The following CAMKMT variants were observed in gnomAD, a reference collection of about 807,000 sequenced individuals.
The protein encoded by CAMKMT is CaM KMT.
A neutral mutation model predicts 48.0 loss-of-function variants in CAMKMT; 53 were observed. The observed-to-expected ratio is 1.10, with a 90% CI of 0.89 to 1.39. The LOEUF (loss-of-function observed/expected upper bound fraction) is 1.39. Among genes scored for constraint, CAMKMT ranks in the 40% most tolerant of loss-of-function variants. The pLI is 0.00. For missense variants in CAMKMT, 428 were observed against 402.7 expected, an observed-to-expected ratio of 1.06 and a Z score of -0.54; for synonymous variants, 165 against 152.3, an observed-to-expected ratio of 1.08 and a Z score of -0.61.
chr2:44,495,276 G>T (rs1055754786), intron 3 of CAMKMT, among the ~76,000 whole-genome samples: 3 of 152,002 alleles, frequency 2.0e-5, no homozygotes, highest in African/African-American at 7.3e-5. Flanking sequence ...GAGTAGCCTG[G>T]ACTACAGGTG....
intron 3 of CAMKMT, among the ~76,000 whole-genome samples, chr2:44,694,655 T>G (rs1009336091): frequency 1.3e-5 from 2 of 152,242 alleles, no homozygotes; most frequent in African/African-American, 4.8e-5. Flanking sequence ...ACATTGCCAG[T>G]TTTCCACCTC....
chr2:44,716,722 T>C (rs999910492), intron 7 of CAMKMT, among the ~76,000 whole-genome samples: 2 of 152,182 alleles, frequency 1.3e-5, no homozygotes, highest in Admixed American at 6.5e-5. Flanking sequence ...GACTTCGTTT[T>C]TGGACATGAT....
At chr2:44,492,191 C>A in intron 3 of CAMKMT, among the ~76,000 whole-genome samples, 2 of 151,364 alleles carry the variant, frequency 1.3e-5, no homozygotes, top group African/African-American at 4.9e-5. Flanking sequence ...TGGTAGAATG[C>A]CAGTATGTGA....
At chr2:44,544,562 T>C (rs1164103607) in intron 3 of CAMKMT, among the ~76,000 whole-genome samples, 1 of 152,246 alleles carries the variant, frequency 6.6e-6, no homozygotes, top group Non-Finnish European at 1.5e-5. Context: ...TTTGCTGCTG[T>C]AGCTAGGCTT....
rs574241884 is a variant in CAMKMT at position 44,490,648 on chromosome 2, A to G, written c.376+100343A>G. 3.9e-5 allele frequency among the ~76,000 whole-genome samples: 6 copies of G among 152,128 alleles called. No homozygotes were observed. The South Asian group carries it at 1.0e-3, about 26-fold the overall frequency. ...GAAGTATTCTGGATTTCAAGTACTC[A>G]TGTACTTGAAAGTTATATGTATTAT... On this transcript the variant is annotated intron_variant, in intron 3 of 10. Transcript: ENST00000378494.
chr2:44,761,244 A>C (rs1680603647), intron 9 of CAMKMT, among the ~76,000 whole-genome samples: 1 of 152,208 alleles, frequency 6.6e-6, no homozygotes, highest in African/African-American at 2.4e-5. Flanking sequence ...TGAGAGAGGC[A>C]TTCCACTCAA....
chr2:44,634,349 C>G (rs968322449), intron 3 of CAMKMT, among the ~76,000 whole-genome samples: 2 of 151,820 alleles, frequency 1.3e-5, no homozygotes, highest in African/African-American at 4.8e-5. Flanking sequence ...CACTTGTTTC[C>G]CTTTTCTCAG....
At chr2:44,379,770 T>C (rs896809603) in intron 2 of CAMKMT, among the ~76,000 whole-genome samples, 6 of 152,006 alleles carry the variant, frequency 3.9e-5, no homozygotes, top group Admixed American at 6.6e-5. Context: ...TTTTTTTTAA[T>C]GTTTTATTTT....
At chr2:44,535,028 A>T (rs569699517) in intron 3 of CAMKMT, among the ~76,000 whole-genome samples, 5 of 152,192 alleles carry the variant, frequency 3.3e-5, no homozygotes, top group African/African-American at 1.2e-4. Flanking sequence ...AGAGAGAGAG[A>T]GAGAGACCCA....
chr2:44,652,231 A>C (rs1674108545), intron 3 of CAMKMT, among the ~76,000 whole-genome samples: 2 of 152,240 alleles, frequency 1.3e-5, no homozygotes, highest in Non-Finnish European at 2.9e-5. Flanking sequence ...ATTTAATGGC[A>C]GGTGATCAAT....
At chr2:44,454,148 A>G (rs1281827165) in intron 3 of CAMKMT, among the ~76,000 whole-genome samples, 1 of 152,128 alleles carries the variant, frequency 6.6e-6, no homozygotes, top group Non-Finnish European at 1.5e-5. Flanking sequence ...TATATTTTTA[A>G]CTCATACTAT....
intron 3 of CAMKMT, among the ~76,000 whole-genome samples, chr2:44,642,754 C>G (rs1364310987): frequency 1.3e-5 from 2 of 152,016 alleles, no homozygotes; most frequent in African/African-American, 2.4e-5. Context: ...TTGGGTCCAG[C>G]CTTCCCAGAG....
intron 3 of CAMKMT, among the ~76,000 whole-genome samples, chr2:44,604,655 A>G (rs1436672025): frequency 1.3e-5 from 2 of 151,884 alleles, no homozygotes; most frequent in East Asian, 1.9e-4. Context: ...TGAACCATTA[A>G]TATACATTTA....
intron 3 of CAMKMT, among the ~76,000 whole-genome samples, chr2:44,411,409 A>G (rs1683195628): frequency 6.6e-6 from 1 of 152,238 alleles, no homozygotes. Flanking sequence ...AAGGAAATGT[A>G]TACTTTATAC....
At chr2:44,755,834 AG>A (rs1306436081) in intron 9 of CAMKMT, among the ~76,000 whole-genome samples, 1 of 152,134 alleles carries the variant, frequency 6.6e-6, no homozygotes, top group Non-Finnish European at 1.5e-5. Context: ...AGCCTAGAGA[AG>A]GGTGAGGCAG....
intron 3 of CAMKMT, among the ~76,000 whole-genome samples, chr2:44,642,284 C>G (rs1240971909): frequency 6.6e-6 from 1 of 152,062 alleles, no homozygotes; most frequent in African/African-American, 2.4e-5. Context: ...AAAAGATAAG[C>G]AAAGAATGGG....
chr2:44,692,109 G>T (rs1676687090), intron 3 of CAMKMT, among the ~76,000 whole-genome samples: 2 of 152,100 alleles, frequency 1.3e-5, no homozygotes, highest in African/African-American at 2.4e-5. Flanking sequence ...TTTATCCAAA[G>T]TTCAGTTTGT....
intron 7 of CAMKMT, among the ~76,000 whole-genome samples, chr2:44,717,842 TAA>T (rs200492421): frequency 1.6e-4 from 21 of 131,812 alleles, no homozygotes; most frequent in Middle Eastern, 3.8e-3. Flanking sequence ...AAATGGTATT[TAA>T]AAAAAAAAAA....
At chr2:44,735,859 G>C (rs1679327916) in intron 7 of CAMKMT, among the ~76,000 whole-genome samples, 1 of 152,142 alleles carries the variant, frequency 6.6e-6, no homozygotes, top group Non-Finnish European at 1.5e-5. Flanking sequence ...GCTGCAGTGA[G>C]CTGAGATCAT....
Sources: allele counts gnomAD v4.1 joint callset (sites outside exome capture counted in the v4.1 genomes callset), GRCh38; gene constraint gnomAD v4.1.1; transcripts MANE v1.5; gene names NCBI Gene and HGNC (gene_info 2026-07-23, HGNC 2026-07-21).